Variants in TRPM2 observed in about 807,000 individuals in gnomAD.
The protein encoded by TRPM2 is transient receptor potential cation channel subfamily M member 2, also known as estrogen-responsive element-associated gene 1 protein.
Under a neutral mutation model 174.0 loss-of-function variants are expected in TRPM2, and 161 were observed. The observed-to-expected ratio is 0.93, with a 90% confidence interval of 0.81 to 1.05. The LOEUF (loss-of-function observed/expected upper bound fraction) is 1.05. Ranked by LOEUF, TRPM2 falls within the 50% of genes least tolerant of loss-of-function variation. The pLI, the probability that TRPM2 is intolerant of heterozygous loss-of-function variation, is 0.00. For missense variants in TRPM2, 2,057 were observed against 2,038.0 expected, an observed-to-expected ratio of 1.01 and a Z score of -0.18; for synonymous variants, 954 against 861.3, an observed-to-expected ratio of 1.11 and a Z score of -1.88.
chr21:44,382,376 CAGAT>C (rs1232667704), intron 8 of TRPM2, among the ~76,000 whole-genome samples: 1 of 152,084 alleles, frequency 6.6e-6, no homozygotes, highest in East Asian at 1.9e-4. Flanking sequence ...AATAAGTAGA[CAGAT>C]AGATAGGCAG....
In TRPM2 at chr21:44,437,054, C is replaced by T. The variant is rs200288651; in HGVS notation, c.4062-8C>T. 1.2e-4 allele frequency: 190 copies of T among 1,549,618 alleles called. 1 individual carries two copies. In the African/African-American group the frequency reaches 2.2e-3, roughly 18 times the overall value. Reference sequence around the variant, plus strand: ...GGTCCTGGGCAGCCATGGCCGCTCTCTCCGCAGGTGGAGGCGGAACGAGGA... The same window carrying T: ...GGTCCTGGGCAGCCATGGCCGCTCTTTCCGCAGGTGGAGGCGGAACGAGGA... On this transcript the variant is annotated splice_region_variant and splice_polypyrimidine_tract_variant and intron_variant, in intron 28 of 31. Transcript: ENST00000397928.
Position 44,435,112 on chromosome 21 carries a change from C to T in TRPM2, c.3975-19C>T, listed in dbSNP as rs8130178. 0.018 allele frequency: 28,284 copies of T among 1,609,590 alleles called. 458 individuals carry two copies. The highest frequency in any genetic ancestry group is 0.057 in the African/African-American group (4,288 of 74,958). ...CCCATTGGTGGACGGTGGACTGACT[C>T]AACCCCTCTGCATCCCAGGAACCCC... On this transcript the variant is annotated intron_variant, in intron 27 of 31. Coordinates refer to ENST00000397928, the MANE Select transcript of TRPM2 (RefSeq NM_003307.4).
chr21:44,353,860 GA>G lies in TRPM2; in HGVS notation c.161del (p.Asp54AlafsTer82). The part of the protein sequence containing the change: ...WRLQCPFGNN[D>X]KQESLSSWIP... ...GCTACAGTGCCCCTTCGGCAACAAT[GA>G]CAAGGTAGGCTTTCTGCTGGTCAGC... On this transcript the variant is annotated frameshift_variant, in exon 1 of 32. Transcript: ENST00000397928. LOFTEE classifies it high-confidence loss of function. 5 of 1,598,246 alleles carry G rather than the reference GA, an allele frequency of 3.1e-6. No homozygotes were observed. Among genetic ancestry groups the G allele is most frequent in the Non-Finnish European group, 4.3e-6 (5 of 1,173,500 alleles).
intron 22 of TRPM2, among the ~76,000 whole-genome samples, chr21:44,421,627 T>G (rs534649908): frequency 6.6e-6 from 1 of 151,116 alleles, no homozygotes; most frequent in South Asian, 2.1e-4. Context: ...AAAATAACAA[T>G]TAGCCAGGCA....
At chr21:44,413,227 C>CT (rs958225632) in intron 19 of TRPM2, among the ~76,000 whole-genome samples, 7,306 of 116,230 alleles carry the variant, frequency 0.063, 484 homozygotes, top group African/African-American at 0.17. Flanking sequence ...CTTTTCAATT[C>CT]TTTTTTTTTT....
At chr21:44,423,578 G>C in intron 22 of TRPM2, 67 bp from the exon 23 acceptor site, 1 of 1,378,740 alleles carries the variant, frequency 7.3e-7, no homozygotes, top group Non-Finnish European at 1.0e-6. Flanking sequence ...GCTGTCTGCA[G>C]AGCGGTGTGG....
At position 44,397,927 on chromosome 21, in the gene TRPM2, C is replaced by T. The variant is rs559594139; in HGVS notation, c.2062+51C>T. On this transcript the variant is annotated intron_variant, in intron 13 of 31. Transcript: ENST00000397928. ...AGGCCATGGCTCAGCCGTGCATGCC[C>T]TCACCTGGAGTTCCCATCCCTGGGT... 31 of 1,516,720 alleles carry T rather than the reference C, an allele frequency of 2.0e-5. No individual in the cohort carries two copies. In the East Asian group the frequency reaches 5.7e-4, roughly 28 times the overall value. 94.0% of individuals were successfully genotyped at this position (1,516,720 alleles called of 1,614,324 possible).
chr21:44,358,314 C>T (rs552229446), intron 2 of TRPM2, among the ~76,000 whole-genome samples: 6 of 150,878 alleles, frequency 4.0e-5, no homozygotes, highest in South Asian at 4.2e-4. Context: ...CATCTGTGAG[C>T]GCAGAGACTG....
intron 11 of TRPM2, among the ~76,000 whole-genome samples, chr21:44,393,579 C>T (rs138468556): frequency 5.3e-5 from 8 of 152,164 alleles, no homozygotes; most frequent in South Asian, 2.1e-4. Flanking sequence ...TTTCCTTCTC[C>T]GCTCCAGGAC....
rs1023048789 is a variant in TRPM2, at chr21:44,441,012, C to G, written c.4386+107C>G. On this transcript the variant is annotated intron_variant, in intron 31 of 31. Coordinates refer to ENST00000397928, the MANE Select transcript of TRPM2 (RefSeq NM_003307.4). ...GGATGGGGGTCTGGATTCTGGCAGG[C>G]TGAACTCTGTATGGGCGTGGCCTCC... is the stretch of plus-strand genomic sequence containing the variant. The G allele has an allele frequency of 3.1e-6, 3 of 968,998 alleles. No homozygotes were observed. In the African/African-American group the frequency reaches 4.8e-5, roughly 16 times the overall value. 60.0% of individuals were successfully genotyped at this position (968,998 alleles called of 1,614,324 possible).
chr21:44,364,357 T>C (rs1049140237), intron 3 of TRPM2, 75 bp downstream of exon 3: 32 of 1,552,114 alleles, frequency 2.1e-5, no homozygotes, highest in Non-Finnish European at 2.5e-5. Flanking sequence ...GTGGTCGGCA[T>C]TTCCTGGGGC....
At chr21:44,427,666 C>T (rs2050855536) in intron 27 of TRPM2, among the ~76,000 whole-genome samples, 1 of 152,068 alleles carries the variant, frequency 6.6e-6, no homozygotes, top group Admixed American at 6.5e-5. Context: ...GCCACCAGAA[C>T]CTGGGACTGG....
At chr21:44,402,486 C>T (rs576743815) in intron 16 of TRPM2, among the ~76,000 whole-genome samples, 76 of 152,210 alleles carry the variant, frequency 5.0e-4, no homozygotes, top group Admixed American at 7.8e-4. Flanking sequence ...CAGAGAGGCT[C>T]GCGGGCCTTG....
chr21:44,441,562 G>A, intron 31 of TRPM2, 130 bp from the exon 32 acceptor site: 2 of 1,261,904 alleles, frequency 1.6e-6, no homozygotes, highest in Non-Finnish European at 2.0e-6. Flanking sequence ...CAGGGGTCCT[G>A]CCTCCCATTT....
At chr21:44,375,451 A>C (rs2146191931) in intron 5 of TRPM2, among the ~76,000 whole-genome samples, 1 of 152,154 alleles carries the variant, frequency 6.6e-6, no homozygotes, top group Admixed American at 6.5e-5. Context: ...GTGGTCTCTC[A>C]CGTGTCTGGA....
At chr21:44,398,710 G>A (rs977884822) in intron 13 of TRPM2, among the ~76,000 whole-genome samples, 1 of 152,148 alleles carries the variant, frequency 6.6e-6, no homozygotes, top group African/African-American at 2.4e-5. Context: ...ATCTCCAGTC[G>A]GGGTGGCGTC....
At position 44,395,535 on chromosome 21, in the gene TRPM2, G is replaced by A. The variant is rs1247951742; in HGVS notation, c.1916G>A (p.Gly639Glu). 6.2e-7 allele frequency: 1 copy of A among 1,613,016 alleles called. No individual in the cohort carries two copies. The highest frequency in any genetic ancestry group is 2.2e-5 in the East Asian group (1 of 44,862). Reference sequence around the variant, plus strand: ...GTCCAGAACCGTCGGGAGCTGGCAGGAATCATCTGGGCTCAGGTAATAAGA... The same window carrying A: ...GTCCAGAACCGTCGGGAGCTGGCAGAAATCATCTGGGCTCAGGTAATAAGA... The part of the protein sequence containing the change: ...AIVQNRRELA[G>E]IIWAQSQDCI... The change falls in exon 12 of 32, where the codon GGA becomes GAA. Residue 639 changes from glycine to glutamate, a missense_variant. By Grantham distance (98) the Gly-to-Glu change is moderately conservative (BLOSUM62 -2). Coordinates refer to ENST00000397928, the MANE Select transcript of TRPM2 (RefSeq NM_003307.4).
intron 24 of TRPM2, chr21:44,425,461 C>T (rs968032792): frequency 1.2e-5 from 6 of 498,662 alleles, no homozygotes; most frequent in South Asian, 4.3e-5. Flanking sequence ...CAGGTGCCGG[C>T]GGGGACGCTG....
At chr21:44,420,564 G>A (rs1168110447) in intron 22 of TRPM2, among the ~76,000 whole-genome samples, 1 of 152,238 alleles carries the variant, frequency 6.6e-6, no homozygotes, top group Non-Finnish European at 1.5e-5. Context: ...CAGAGGAGGG[G>A]GGCCTGGGGC....
Sources: allele counts gnomAD v4.1 joint callset (sites outside exome capture counted in the v4.1 genomes callset), GRCh38; gene constraint gnomAD v4.1.1; transcripts MANE v1.5; gene names NCBI Gene and HGNC (gene_info 2026-07-23, HGNC 2026-07-21).